Variants in CSMD2 observed in about 807,000 individuals in gnomAD.
CSMD2 encodes the protein CUB and sushi domain-containing protein 2.
A neutral mutation model predicts 398.5 loss-of-function variants in CSMD2; 130 were observed. The observed-to-expected ratio is 0.33, with a 90% confidence interval of 0.28 to 0.38. CSMD2 has a LOEUF of 0.38. CSMD2 is among the 10% of genes least tolerant of loss of function. The pLI is 1.00. For synonymous variants in CSMD2, 1,828 were observed against 1,908.5 expected (o/e 0.96, Z 1.10); for missense variants, 3,829 against 4,764.9 (o/e 0.80, Z 5.78).
At chr1:34,065,447 G>GC (rs1655005628) in intron 2 of CSMD2, among the ~76,000 whole-genome samples, 1 of 152,074 alleles carries the variant, frequency 6.6e-6, no homozygotes, top group Non-Finnish European at 1.5e-5. Flanking sequence ...CCCCAAAACT[G>GC]CCCCTTCTCT....
In CSMD2 at chr1:34,122,501, T is replaced by G. The variant is rs142033444; in HGVS notation, c.188-33308A>C. 7.9e-5 allele frequency among the ~76,000 whole-genome samples: 12 copies of G among 152,212 alleles called. 1 individual carries two copies. Among genetic ancestry groups the G allele is most frequent in the Non-Finnish European group, 1.3e-4 (9 of 68,000 alleles). Reference sequence around the variant, plus strand: ...TGTCCAGCCCACTCCACTAATCCTCTTCCTCATGCAAAGTGGGTGAATTTC... The same window carrying G: ...TGTCCAGCCCACTCCACTAATCCTCGTCCTCATGCAAAGTGGGTGAATTTC... On this transcript the variant is annotated intron_variant, in intron 1 of 70. Coordinates refer to ENST00000373381, the MANE Select transcript of CSMD2 (RefSeq NM_001281956.2).
At chr1:33,962,245 T>C (rs941045757) in intron 3 of CSMD2, among the ~76,000 whole-genome samples, 12 of 152,078 alleles carry the variant, frequency 7.9e-5, no homozygotes, top group Admixed American at 6.6e-5. Flanking sequence ...TTTTTAATGA[T>C]GAGGAGCATG....
At chr1:33,667,072 T>C (rs1416244535) in intron 25 of CSMD2, among the ~76,000 whole-genome samples, 1 of 152,186 alleles carries the variant, frequency 6.6e-6, no homozygotes, top group Non-Finnish European at 1.5e-5. Context: ...TAGGATGCCA[T>C]AGAGAATACA....
At chr1:33,562,781 G>A (rs1195443165) in intron 53 of CSMD2, among the ~76,000 whole-genome samples, 3 of 152,186 alleles carry the variant, frequency 2.0e-5, no homozygotes, top group Non-Finnish European at 4.4e-5. Context: ...ATCAGTTGAA[G>A]GCCTTGAGAG....
intron 2 of CSMD2, among the ~76,000 whole-genome samples, chr1:34,075,676 G>A (rs1319266327): frequency 2.0e-5 from 3 of 152,118 alleles, no homozygotes; most frequent in East Asian, 1.9e-4. Context: ...TCCAATATAC[G>A]GGATGCAGTT....
At chr1:33,858,120 G>A (rs1639230042) in intron 5 of CSMD2, among the ~76,000 whole-genome samples, 1 of 152,168 alleles carries the variant, frequency 6.6e-6, no homozygotes, top group Non-Finnish European at 1.5e-5. Context: ...GCTTTGGCAA[G>A]CCTCTGCCCT....
At chr1:33,763,505 A>C (rs1650097519) in intron 13 of CSMD2, among the ~76,000 whole-genome samples, 1 of 152,200 alleles carries the variant, frequency 6.6e-6, no homozygotes, top group African/African-American at 2.4e-5. Flanking sequence ...CACCAAAGAC[A>C]CTTCCTTCTC....
chr1:33,852,434 A>G lies in CSMD2; in HGVS notation c.921-5438T>C, dbSNP rs113669805. ...TCCAGCTACACAGAATGGCTTGTAC[A>G]TCCTGGAATGCGACTAGTACTTTCG... On this transcript the variant is annotated intron_variant, in intron 5 of 70. Transcript: ENST00000373381. 3.8e-3 allele frequency among the ~76,000 whole-genome samples: 586 copies of G among 152,360 alleles called. 9 individuals are homozygous for G. Among genetic ancestry groups the G allele is most frequent in the Middle Eastern group, 0.014 (4 of 294 alleles).
chr1:33,972,845 C>T (rs141464221), intron 3 of CSMD2, among the ~76,000 whole-genome samples: 7 of 152,296 alleles, frequency 4.6e-5, no homozygotes, highest in Non-Finnish European at 8.8e-5. Context: ...ACACAGACCA[C>T]GACCTGCACG....
intron 62 of CSMD2, among the ~76,000 whole-genome samples, chr1:33,534,438 C>G (rs1655568601): frequency 6.6e-6 from 1 of 152,076 alleles, no homozygotes; most frequent in Admixed American, 6.5e-5. Context: ...CAGATATGGC[C>G]CCCATAGAAT....
intron 3 of CSMD2, among the ~76,000 whole-genome samples, chr1:33,995,244 G>T (rs1171346609): frequency 2.0e-5 from 3 of 152,162 alleles, no homozygotes; most frequent in African/African-American, 7.2e-5. Flanking sequence ...ACACTTGGAC[G>T]ACTCTGCTGT....
chr1:33,904,505 A>C (rs183561279), intron 5 of CSMD2, among the ~76,000 whole-genome samples: 4 of 152,314 alleles, frequency 2.6e-5, no homozygotes, highest in Admixed American at 1.3e-4. Flanking sequence ...GAATCTGACT[A>C]TTCTGGGTAT....
intron 5 of CSMD2, among the ~76,000 whole-genome samples, chr1:33,874,641 C>T (rs1034730118): frequency 6.6e-6 from 1 of 152,118 alleles, no homozygotes; most frequent in African/African-American, 2.4e-5. Context: ...TGGATCTATC[C>T]CTGGGTGTCT....
chr1:34,156,716 T>C (rs1372217438), intron 1 of CSMD2, among the ~76,000 whole-genome samples: 1 of 152,218 alleles, frequency 6.6e-6, no homozygotes. Context: ...CAGGAGATTC[T>C]CAAGTAAATT....
chr1:33,694,535 G>C (rs546329978), intron 24 of CSMD2, among the ~76,000 whole-genome samples: 2 of 152,256 alleles, frequency 1.3e-5, no homozygotes, highest in Admixed American at 1.3e-4. Context: ...AGTTCCATCA[G>C]AACTTATGAA....
intron 2 of CSMD2, among the ~76,000 whole-genome samples, chr1:34,083,388 T>C (rs1403705040): frequency 6.6e-6 from 1 of 152,252 alleles, no homozygotes; most frequent in Non-Finnish European, 1.5e-5. Context: ...TTGTTCATTG[T>C]TGTAAATTAA....
intron 67 of CSMD2, 49 bp downstream of exon 67, chr1:33,523,258 C>T (rs770355203): frequency 6.4e-6 from 6 of 933,280 alleles, no homozygotes; most frequent in Non-Finnish European, 8.7e-6. Context: ...CTCCTCTTCC[C>T]TGCCAGTGAT....
intron 15 of CSMD2, 70 bp downstream of exon 15, chr1:33,739,070 G>C (rs564603880): frequency 6.8e-7 from 1 of 1,472,760 alleles, no homozygotes; most frequent in African/African-American, 1.4e-5. Context: ...CCATGGCCTG[G>C]GCTGCTTGCT....
At chr1:33,745,742 A>G (rs1042246816) in intron 13 of CSMD2, among the ~76,000 whole-genome samples, 3 of 152,238 alleles carry the variant, frequency 2.0e-5, no homozygotes, top group Non-Finnish European at 2.9e-5. Flanking sequence ...TTTTAAGTAT[A>G]GAAAGAATTC....
Sources: allele counts gnomAD v4.1 joint callset (sites outside exome capture counted in the v4.1 genomes callset), GRCh38; gene constraint gnomAD v4.1.1; transcripts MANE v1.5; gene names NCBI Gene and HGNC (gene_info 2026-07-23, HGNC 2026-07-21).